The following KCTD5 variants were observed in gnomAD, a reference collection of about 807,000 sequenced individuals.
KCTD5 encodes BTB/POZ domain-containing protein KCTD5.
A neutral mutation model predicts 27.9 loss-of-function variants in KCTD5; 12 were observed. The ratio of observed to expected loss-of-function variants is 0.43; its 90% CI spans 0.28 to 0.70. The LOEUF (loss-of-function observed/expected upper bound fraction) is 0.70, where lower values mean the gene tolerates loss of function less well. Among genes scored for constraint, KCTD5 ranks in the 30% least tolerant of loss-of-function variants. The pLI, the probability that KCTD5 is intolerant of heterozygous loss-of-function variation, is 0.19. For synonymous variants in KCTD5, 147 were observed against 121.4 expected, an observed-to-expected ratio of 1.21 and a Z score of -1.39; for missense variants, 226 against 274.8, an observed-to-expected ratio of 0.82 and a Z score of 1.26.
intron 3 of KCTD5, among the ~76,000 whole-genome samples, chr16:2,698,300 C>T (rs1051320364): frequency 1.2e-4 from 19 of 152,106 alleles, no homozygotes; most frequent in Non-Finnish European, 2.5e-4. Flanking sequence ...GAGGGCCGGT[C>T]GGGGAGACCC....
At chr16:2,694,096 G>A (rs1228919066) in intron 1 of KCTD5, among the ~76,000 whole-genome samples, 6 of 139,936 alleles carry the variant, frequency 4.3e-5, no homozygotes, top group African/African-American at 7.7e-5. Context: ...GTATGGGGGT[G>A]GGGCAGGGAG....
intron 5 of KCTD5, among the ~76,000 whole-genome samples, chr16:2,704,552 A>G (rs1164874490): frequency 6.6e-6 from 1 of 152,230 alleles, no homozygotes; most frequent in Non-Finnish European, 1.5e-5. Flanking sequence ...CTTAGACTCA[A>G]GGCCGCCATT....
intron 5 of KCTD5, among the ~76,000 whole-genome samples, chr16:2,706,289 C>G (rs1039012835): frequency 3.3e-5 from 5 of 152,208 alleles, no homozygotes; most frequent in African/African-American, 9.6e-5. Context: ...CCTCTCACCA[C>G]TGCCCTCTCT....
At chr16:2,707,259 C>T (rs556938756) in intron 5 of KCTD5, 39 bp from the exon 6 acceptor site, 2 of 1,607,008 alleles carry the variant, frequency 1.2e-6, no homozygotes, top group East Asian at 4.5e-5. Flanking sequence ...GACACCTCCT[C>T]AGCCCAAGTC....
rs944572170 is a variant in KCTD5, at chr16:2,704,334, C to T, written c.675+1856C>T. Among the ~76,000 whole-genome samples, 8 of 152,294 alleles carry T rather than the reference C, an allele frequency of 5.3e-5. No individual in the cohort carries two copies. The South Asian group carries it at 6.2e-4, about 12-fold the overall frequency. ...CAGGGCCGCATGGGCTGTGGGCCCT[C>T]GTCGCTGGTGTCCCTGCAGCATGTG... is the stretch of plus-strand genomic sequence containing the variant. On this transcript the variant is annotated intron_variant, in intron 5 of 5. Coordinates refer to ENST00000301738, the MANE Select transcript of KCTD5 (RefSeq NM_018992.4).
intron 3 of KCTD5, chr16:2,699,362 G>C: frequency 2.7e-6 from 1 of 376,068 alleles, no homozygotes. Flanking sequence ...CTCAGCCTTC[G>C]GGAGGCCCAA....
Position 2,707,331 on chromosome 16 carries a change from A to G in KCTD5, c.*4A>G. On this transcript the variant is annotated 3_prime_UTR_variant, in exon 6 of 6. Transcript: ENST00000301738. Reference sequence around the variant, plus strand: ...AGAACGAGGCTCAAGGATGTGAGGGACACAGTATTGACAGCTGAAGAAATG... The same window carrying G: ...AGAACGAGGCTCAAGGATGTGAGGGGCACAGTATTGACAGCTGAAGAAATG... 2 of 1,613,810 alleles carry G rather than the reference A, an allele frequency of 1.2e-6. No individual in the cohort carries two copies. The highest frequency in any genetic ancestry group is 1.3e-5 in the African/African-American group (1 of 75,044).
intron 1 of KCTD5, 125 bp downstream of exon 1, chr16:2,682,925 C>A: frequency 2.5e-6 from 3 of 1,222,540 alleles, no homozygotes; most frequent in East Asian, 3.1e-5. Context: ...CTTCGAGCCC[C>A]GCGCTCCCTT....
In KCTD5 at chr16:2,706,889, G is replaced by T. The variant is rs150457497; in HGVS notation, c.676-409G>T. Among the ~76,000 whole-genome samples, 868 of 150,944 alleles carry T rather than the reference G, an allele frequency of 5.8e-3. 3 individuals are homozygous for T. Among genetic ancestry groups the T allele is most frequent in the Non-Finnish European group, 8.2e-3 (553 of 67,570 alleles). ...GGGGCATCTCCAGGAGGGTCCGGGC[G>T]TCGGGGTGGGGGTGGGGGCTGCAGT... On this transcript the variant is annotated intron_variant, in intron 5 of 5. Transcript: ENST00000301738.
chr16:2,687,447 G>T (rs61433364), intron 1 of KCTD5, among the ~76,000 whole-genome samples: 4 of 152,228 alleles, frequency 2.6e-5, no homozygotes, highest in African/African-American at 9.7e-5. Context: ...TTCAGTGGCT[G>T]TCGTCCAGCA....
chr16:2,689,998 G>A lies in KCTD5; in HGVS notation c.253-5937G>A, dbSNP rs150470280. Among the ~76,000 whole-genome samples, 365 of 152,376 alleles carry A rather than the reference G, an allele frequency of 2.4e-3. 2 individuals are homozygous for A. Among genetic ancestry groups the A allele is most frequent in the African/African-American group, 8.5e-3 (353 of 41,598 alleles). ...GCCCTTCACTGCCATTTTCAAGGCT[G>A]CTGGTTGCATTAGGGACCTGTCCCT... On this transcript the variant is annotated intron_variant, in intron 1 of 5. Transcript: ENST00000301738.
At chr16:2,697,253 T>C (rs2067590604) in intron 2 of KCTD5, 1 of 152,478 alleles carries the variant, frequency 6.6e-6, no homozygotes. Flanking sequence ...AGACCACCCA[T>C]GAGGAAGCCC....
chr16:2,688,397 C>T (rs1290335924), intron 1 of KCTD5, among the ~76,000 whole-genome samples: 6 of 151,682 alleles, frequency 4.0e-5, no homozygotes, highest in Non-Finnish European at 5.9e-5. Context: ...ATTACAGGCA[C>T]GAGCCACCAT....
chr16:2,683,972 C>T (rs1166243894), intron 1 of KCTD5: 2 of 147,570 alleles, frequency 1.4e-5, no homozygotes, highest in Non-Finnish European at 3.0e-5. Context: ...CCCTCCTGTG[C>T]CTCCCCACAA....
chr16:2,698,079 C>G, intron 3 of KCTD5, 82 bp downstream of exon 3: 1 of 997,682 alleles, frequency 1.0e-6, no homozygotes, highest in East Asian at 2.5e-5. Context: ...CCGGCTGCCT[C>G]CCAAATAAGT....
At position 2,706,546 on chromosome 16, in the gene KCTD5, G is replaced by A. The variant is rs3785340; in HGVS notation, c.676-752G>A. On this transcript the variant is annotated intron_variant, in intron 5 of 5. Transcript: ENST00000301738. ...GTTCACCTCAGCAGCATTGGCCAGC[G>A]CCTGAGCCTGTCCTCAGGGGAGCCC... Among the ~76,000 whole-genome samples the A allele has an allele frequency of 2.9e-4, 44 of 152,288 alleles. No individual in the cohort carries two copies. In the East Asian group the frequency reaches 6.8e-3, roughly 23 times the overall value.
At chr16:2,699,448 G>A (rs1213307645) in intron 3 of KCTD5, 6 of 359,428 alleles carry the variant, frequency 1.7e-5, no homozygotes, top group Non-Finnish European at 3.3e-5. Flanking sequence ...TGGCTCTCAG[G>A]GCCCTGCTTG....
intron 1 of KCTD5, among the ~76,000 whole-genome samples, chr16:2,693,630 A>G (rs967781617): frequency 1.2e-4 from 19 of 152,044 alleles, no homozygotes; most frequent in African/African-American, 4.3e-4. Context: ...TCCTGCCTTC[A>G]TCCTTCCAGT....
intron 4 of KCTD5, among the ~76,000 whole-genome samples, chr16:2,700,996 G>A (rs1247695856): frequency 2.0e-5 from 3 of 152,262 alleles, no homozygotes; most frequent in East Asian, 3.9e-4. Context: ...GCTGCTGGGC[G>A]AGCCCCACCT....
Sources: allele counts gnomAD v4.1 joint callset (sites outside exome capture counted in the v4.1 genomes callset), GRCh38; gene constraint gnomAD v4.1.1; transcripts MANE v1.5; gene names NCBI Gene and HGNC (gene_info 2026-07-23, HGNC 2026-07-21).